Variants in ECT2L observed in about 807,000 individuals in gnomAD.
ECT2L encodes epithelial cell transforming 2 like.
In ECT2L, 126 loss-of-function variants were observed where a neutral mutation model predicts 122.8. That is an observed-to-expected ratio of 1.03 (90% confidence interval 0.89 to 1.19). The LOEUF (loss-of-function observed/expected upper bound fraction) is 1.19. Among genes scored for constraint, ECT2L ranks in the 50% most tolerant of loss-of-function variants. The probability of loss-of-function intolerance (pLI) is 0.00; values close to 1 mark genes in which losing one functional copy is unlikely to be tolerated. For missense variants in ECT2L, 1,012 were observed against 1,064.1 expected, an observed-to-expected ratio of 0.95 and a Z score of 0.68; for synonymous variants, 385 against 381.8, an observed-to-expected ratio of 1.01 and a Z score of -0.10.
chr6:138,888,696 A>G (rs527563753), intron 19 of ECT2L, among the ~76,000 whole-genome samples: 2 of 152,238 alleles, frequency 1.3e-5, no homozygotes, highest in African/African-American at 4.8e-5. Flanking sequence ...TACAAATAAA[A>G]CTATCATGTC....
intron 4 of ECT2L, among the ~76,000 whole-genome samples, chr6:138,827,511 T>G (rs763008642): frequency 1.3e-5 from 2 of 151,774 alleles, no homozygotes; most frequent in Non-Finnish European, 2.9e-5. Flanking sequence ...CATTATTTCA[T>G]CTATTTTCCC....
intron 1 of ECT2L, among the ~76,000 whole-genome samples, chr6:138,806,208 G>C (rs537774403): frequency 6.6e-6 from 1 of 152,252 alleles, no homozygotes; most frequent in Non-Finnish European, 1.5e-5. Context: ...AGCTTAAAAT[G>C]GTAGCTCAGA....
At chr6:138,814,710 C>T in intron 4 of ECT2L, 107 bp downstream of exon 4, 1 of 659,076 alleles carries the variant, frequency 1.5e-6, no homozygotes, top group East Asian at 2.9e-5. Context: ...GAAAAAAAAA[C>T]AAGGTAATTG....
rs754510193 is a variant in ECT2L, at chr6:138,881,100, CAG to C, written c.1812_1813del (p.Arg604SerfsTer14). 4.7e-5 allele frequency: 76 copies of C among 1,614,106 alleles called. No individual in the cohort carries two copies. The highest frequency in any genetic ancestry group is 1.6e-4 in the Middle Eastern group (1 of 6,084). ...CACTGAAAGCAGCATTGTCATCAAA[CAG>C]AGCGATTCTGAGTGCTGCCAATATC... ...APLKAALSSN[R>X]AILSAANIQI... On this transcript the variant is annotated frameshift_variant, in exon 15 of 22. Coordinates refer to ENST00000541398, the MANE Select transcript of ECT2L (RefSeq NM_001077706.3). LOFTEE classifies it high-confidence loss of function.
chr6:138,806,714 T>C (rs1775724190), intron 1 of ECT2L, among the ~76,000 whole-genome samples: 1 of 151,932 alleles, frequency 6.6e-6, no homozygotes, highest in Admixed American at 6.6e-5. Context: ...GGTTTTGCCA[T>C]GTTGGCCAAG....
chr6:138,850,838 C>G (rs986664681), intron 9 of ECT2L, among the ~76,000 whole-genome samples: 1 of 151,784 alleles, frequency 6.6e-6, no homozygotes, highest in South Asian at 2.1e-4. Context: ...CCCATCTCTA[C>G]TAAAAACACA....
chr6:138,828,079 C>A (rs1017922820), intron 4 of ECT2L, among the ~76,000 whole-genome samples: 1 of 151,996 alleles, frequency 6.6e-6, no homozygotes, highest in Non-Finnish European at 1.5e-5. Context: ...CTATCCCTCC[C>A]CCCACCGCAT....
chr6:138,805,956 G>A (rs1775697519), intron 1 of ECT2L, among the ~76,000 whole-genome samples: 1 of 152,178 alleles, frequency 6.6e-6, no homozygotes, highest in South Asian at 2.1e-4. Context: ...TCCTGGCCAT[G>A]TGCACAGACA....
rs559992439 is a variant in ECT2L, at chr6:138,798,516, A to T, written c.-244+2324A>T. ...TATCTACAAGAGTTTTAGGAGCTGT[A>T]TGTCAGGAACCAGGGACAAAGATCA... is the stretch of plus-strand genomic sequence containing the variant. On this transcript the variant is annotated intron_variant, in intron 1 of 21. Coordinates refer to ENST00000541398, the MANE Select transcript of ECT2L (RefSeq NM_001077706.3). Among the ~76,000 whole-genome samples, 3 of 152,300 alleles carry T rather than the reference A, an allele frequency of 2.0e-5. No individual in the cohort carries two copies. The South Asian group carries it at 6.2e-4, about 32-fold the overall frequency.
rs539955078 is a variant in ECT2L at position 138,843,489 on chromosome 6, CA to C, written c.595+263del. On this transcript the variant is annotated intron_variant, in intron 6 of 21. Coordinates refer to ENST00000541398, the MANE Select transcript of ECT2L (RefSeq NM_001077706.3). ...CTGGCTCCTCTCAGGCTTATAAGAC[CA>C]AAAACAAAGAGGATAAAGATGTTTG... 2.1e-4 allele frequency among the ~76,000 whole-genome samples: 32 copies of C among 151,884 alleles called. 1 individual carries two copies. In the South Asian group the frequency reaches 6.2e-3, roughly 30 times the overall value.
chr6:138,811,210 A>G (rs1775879527), intron 1 of ECT2L, among the ~76,000 whole-genome samples: 1 of 152,164 alleles, frequency 6.6e-6, no homozygotes, highest in Non-Finnish European at 1.5e-5. Context: ...GAGCTGCCCT[A>G]TGGAGAGAAC....
intron 21 of ECT2L, among the ~76,000 whole-genome samples, chr6:138,901,721 C>G (rs1464334832): frequency 1.3e-5 from 2 of 152,172 alleles, no homozygotes; most frequent in Admixed American, 6.5e-5. Context: ...TACTTTACTT[C>G]CCAAGCTTAA....
chr6:138,873,332 AGAC>A (rs1434726194), intron 13 of ECT2L, among the ~76,000 whole-genome samples: 2 of 152,262 alleles, frequency 1.3e-5, no homozygotes, highest in Non-Finnish European at 2.9e-5. Context: ...ACAAATGCGG[AGAC>A]CTCTAGGAGG....
At chr6:138,883,222 T>C (rs1778702384) in intron 16 of ECT2L, among the ~76,000 whole-genome samples, 2 of 152,236 alleles carry the variant, frequency 1.3e-5, no homozygotes, top group Admixed American at 6.5e-5. Flanking sequence ...CACTCTCTCA[T>C]GTAGAAAATA....
In ECT2L at chr6:138,902,803, T is replaced by G. The variant is rs753192084; in HGVS notation, c.*176T>G. ...AAACTTTATCACTTGTGCTCACTTATGTAGAATGTATAAGTACATTTTGAG... is the reference window on the plus strand; with the variant it reads ...AAACTTTATCACTTGTGCTCACTTAGGTAGAATGTATAAGTACATTTTGAG... On this transcript the variant is annotated 3_prime_UTR_variant, in exon 22 of 22. Coordinates refer to ENST00000541398, the MANE Select transcript of ECT2L (RefSeq NM_001077706.3). 10 of 708,896 alleles carry G rather than the reference T, an allele frequency of 1.4e-5. No individual in the cohort carries two copies. Among genetic ancestry groups the G allele is most frequent in the African/African-American group, 9.0e-5 (5 of 55,352 alleles). The allele number at this position is 708,896 out of a possible 1,614,324, so 43.9% of individuals were successfully genotyped here. A position where few individuals can be genotyped will look rare whatever the true frequency, so the allele number is the denominator to read the frequency against.
At chr6:138,842,713 A>G (rs1035828463) in intron 5 of ECT2L, among the ~76,000 whole-genome samples, 1 of 152,092 alleles carries the variant, frequency 6.6e-6, no homozygotes, top group Admixed American at 6.5e-5. Context: ...CGGAGCTTGC[A>G]ATGAGCCGAG....
intron 20 of ECT2L, among the ~76,000 whole-genome samples, chr6:138,892,799 G>T (rs547744240): frequency 3.0e-4 from 45 of 152,198 alleles, no homozygotes; most frequent in South Asian, 1.0e-3. Context: ...AGCCAGCACC[G>T]CTTATAACTT....
At chr6:138,846,470 T>C in intron 7 of ECT2L, 69 bp from the exon 8 acceptor site, 2 of 1,439,150 alleles carry the variant, frequency 1.4e-6, no homozygotes, top group East Asian at 2.3e-5. Context: ...CAGAGACATA[T>C]GCTGTGTACT....
chr6:138,879,176 C>G (rs1458123380), intron 14 of ECT2L: 2 of 274,974 alleles, frequency 7.3e-6, no homozygotes, highest in Non-Finnish European at 1.5e-5. Flanking sequence ...CATTGACAAG[C>G]CTTGCTATTC....
Sources: gnomAD v4.1 joint callset for allele counts (sites outside exome capture counted in the v4.1 genomes callset) on GRCh38, gnomAD v4.1.1 for gene constraint, MANE v1.5 for transcripts, NCBI Gene and HGNC (gene_info 2026-07-23, HGNC 2026-07-21) for gene names.